The following WDR35 variants were observed in gnomAD, a reference collection of about 807,000 sequenced individuals.
The protein encoded by WDR35 is WD repeat-containing protein 35.
WDR35 carries 118 observed loss-of-function variants against 158.3 expected under a neutral mutation model. The observed-to-expected ratio is 0.75, with a 90% CI of 0.64 to 0.87. The LOEUF (loss-of-function observed/expected upper bound fraction) is 0.87. Ranked by LOEUF, WDR35 falls within the 40% of genes least tolerant of loss-of-function variation. The probability of loss-of-function intolerance (pLI) is 0.00; values close to 1 mark genes in which losing one functional copy is unlikely to be tolerated. For missense variants in WDR35, 1,263 were observed against 1,405.8 expected, an observed-to-expected ratio of 0.90 and a Z score of 1.62; for synonymous variants, 448 against 476.1, an observed-to-expected ratio of 0.94 and a Z score of 0.77.
chr2:19,984,348 T>G (rs966584982), intron 2 of WDR35, among the ~76,000 whole-genome samples: 1 of 152,158 alleles, frequency 6.6e-6, no homozygotes, highest in Admixed American at 6.5e-5. Context: ...TTTTAAATGA[T>G]GTAGAGTAAA....
intron 10 of WDR35, among the ~76,000 whole-genome samples, chr2:19,964,836 C>A (rs1031746619): frequency 6.6e-6 from 1 of 152,100 alleles, no homozygotes; most frequent in Non-Finnish European, 1.5e-5. Flanking sequence ...TTTTTAATTT[C>A]CAAAAACTTC....
Position 19,980,671 on chromosome 2 carries a change from T to C in WDR35, c.307+20A>G. 1.3e-6 allele frequency: 2 copies of C among 1,598,940 alleles called. No homozygotes were observed. Among genetic ancestry groups the C allele is most frequent in the Non-Finnish European group, 1.7e-6 (2 of 1,166,426 alleles). On this transcript the variant is annotated intron_variant, in intron 4 of 26. Coordinates refer to ENST00000281405, the MANE Select transcript of WDR35 (RefSeq NM_020779.4). ...TGCCAACTTGTGAAAAATTAAATAA[T>C]CTCTCCTAGTAAAGTATACCTTTAT...
chr2:19,913,637 C>T lies in WDR35; in HGVS notation c.3434G>A (p.Ser1145Asn), dbSNP rs1360939388. 1.2e-6 allele frequency: 2 copies of T among 1,613,994 alleles called. No homozygotes were observed. The highest frequency in any genetic ancestry group is 2.7e-5 in the African/African-American group (2 of 74,932). ...PITEYQFWMC[S>N]VCKHGVLAQE... ...AGCAAGGACACCGTGTTTGCATACA[C>T]TGCACATCCAGAATTGATACTCAGT... The change falls in exon 27 of 27, where the codon AGT (serine) becomes AAT (asparagine). Residue 1145 changes from serine to asparagine, a missense_variant. Coordinates refer to ENST00000281405, the MANE Select transcript of WDR35 (RefSeq NM_020779.4).
At chr2:19,980,966 A>C (rs146077675) in intron 3 of WDR35, among the ~76,000 whole-genome samples, 183 bp from the exon 4 acceptor site, 1 of 152,344 alleles carries the variant, frequency 6.6e-6, no homozygotes, top group Non-Finnish European at 1.5e-5. Context: ...TTCTACAACA[A>C]TGCATAATAC....
chr2:19,925,901 C>T (rs1558324813), intron 25 of WDR35, among the ~76,000 whole-genome samples: 1 of 152,168 alleles, frequency 6.6e-6, no homozygotes, highest in Non-Finnish European at 1.5e-5. Flanking sequence ...TTTGATGGTG[C>T]TCATTGTTAA....
chr2:19,960,553 C>A lies in WDR35; in HGVS notation c.1255+1G>T, dbSNP rs371669862. On this transcript the variant is annotated splice_donor_variant, in intron 11 of 26. Transcript: ENST00000281405. LOFTEE classifies it high-confidence loss of function. ...AGAAATAAATATCAACATTTCCTTA[C>A]CAATATCAATGTATTTGGGATCCAA... 1 of 1,601,566 alleles carries A rather than the reference C, an allele frequency of 6.2e-7. No individual in the cohort carries two copies. Among genetic ancestry groups the A allele is most frequent in the Non-Finnish European group, 8.5e-7 (1 of 1,170,010 alleles).
At chr2:19,948,530 T>C (rs1286701610) in intron 13 of WDR35, among the ~76,000 whole-genome samples, 1 of 151,890 alleles carries the variant, frequency 6.6e-6, no homozygotes, top group Non-Finnish European at 1.5e-5. Context: ...AGTACCTAAC[T>C]TACACCAAGA....
Position 19,914,114 on chromosome 2 carries a change from T to C in WDR35, c.3285A>G (p.Glu1095=). The change falls in exon 26 of 27, where the codon GAA becomes GAG. Residue 1095 remains glutamate, a synonymous_variant. Coordinates refer to ENST00000281405, the MANE Select transcript of WDR35 (RefSeq NM_020779.4). ...TLSSEQKQQY[E]DLALEIFTKH... ...TGGTGAAGATTTCTAAAGCAAGGTCTTCATACTGCTGTTTCTGTTCTGAAC... is the reference window on the plus strand; with the variant it reads ...TGGTGAAGATTTCTAAAGCAAGGTCCTCATACTGCTGTTTCTGTTCTGAAC... 6.2e-7 allele frequency: 1 copy of C among 1,614,184 alleles called. No homozygotes were observed. Among genetic ancestry groups the C allele is most frequent in the Non-Finnish European group, 8.5e-7 (1 of 1,180,014 alleles).
At chr2:19,969,283 T>C (rs763123452) in intron 9 of WDR35, among the ~76,000 whole-genome samples, 197 bp downstream of exon 9, 5 of 152,232 alleles carry the variant, frequency 3.3e-5, no homozygotes, top group Non-Finnish European at 7.3e-5. Flanking sequence ...ACCATCTGTT[T>C]CTGGCTAAGA....
At chr2:19,950,450 AAG>A (rs375089017) in intron 13 of WDR35, among the ~76,000 whole-genome samples, 8 of 152,272 alleles carry the variant, frequency 5.3e-5, no homozygotes, top group East Asian at 1.9e-4. Flanking sequence ...CGAAAGGAGG[AAG>A]AGAGAAGGTA....
chr2:19,940,228 A>G lies in WDR35; in HGVS notation c.1926+1531T>C, dbSNP rs563787782. 1.1e-3 allele frequency among the ~76,000 whole-genome samples: 169 copies of G among 151,008 alleles called. 6 individuals are homozygous for G. The South Asian group carries it at 0.034, about 31-fold the overall frequency. On this transcript the variant is annotated intron_variant, in intron 17 of 26. Transcript: ENST00000281405. Reference sequence around the variant, plus strand: ...AAAAAACACAAAAAATTAGCCAAGCATGGCGGCCTGTGCCTGGGACCCCAG... The same window carrying G: ...AAAAAACACAAAAAATTAGCCAAGCGTGGCGGCCTGTGCCTGGGACCCCAG...
intron 2 of WDR35, among the ~76,000 whole-genome samples, chr2:19,982,937 CATTT>C (rs1327762688): frequency 2.0e-5 from 3 of 152,104 alleles, no homozygotes; most frequent in Non-Finnish European, 4.4e-5. Flanking sequence ...TTTATTCATT[CATTT>C]AACAAATATT....
At chr2:19,936,812 C>T (rs1670711716) in intron 19 of WDR35, among the ~76,000 whole-genome samples, 3 of 152,128 alleles carry the variant, frequency 2.0e-5, no homozygotes, top group Admixed American at 6.5e-5. Flanking sequence ...CTTAGACTTC[C>T]TAGTCTCCAG....
At chr2:19,931,819 T>G (rs774906691) in intron 23 of WDR35, among the ~76,000 whole-genome samples, 2 of 152,176 alleles carry the variant, frequency 1.3e-5, no homozygotes, top group Non-Finnish European at 2.9e-5. Flanking sequence ...TAAATGATTT[T>G]AAGAGATATT....
intron 24 of WDR35, 135 bp downstream of exon 24, chr2:19,931,134 T>C: frequency 1.9e-6 from 2 of 1,031,796 alleles, no homozygotes; most frequent in Admixed American, 5.8e-5. Context: ...TCATTCTTTT[T>C]CTTCATATCA....
chr2:19,986,064 A>C (rs1024313257), intron 2 of WDR35, among the ~76,000 whole-genome samples: 3 of 152,188 alleles, frequency 2.0e-5, no homozygotes, highest in African/African-American at 7.2e-5. Context: ...GACAAAGGAA[A>C]GGATGGGTTC....
chr2:19,940,763 C>G (rs762874400), intron 17 of WDR35, among the ~76,000 whole-genome samples: 5 of 152,184 alleles, frequency 3.3e-5, no homozygotes, highest in African/African-American at 7.2e-5. Context: ...TCCCTAACTA[C>G]TAAACAACAA....
Position 19,984,002 on chromosome 2 carries a change from CAT to C in WDR35, c.143-1470_143-1469del, listed in dbSNP as rs753374553. ...TAGCACTGAAAAATCCATTCTAATG[CAT>C]ATATATATATATATATATATATATA... On this transcript the variant is annotated intron_variant, in intron 2 of 26. Transcript: ENST00000281405. Among the ~76,000 whole-genome samples, 369 of 89,874 alleles carry C rather than the reference CAT, an allele frequency of 4.1e-3. 2 individuals are homozygous for C. Among genetic ancestry groups the C allele is most frequent in the African/African-American group, 0.016 (331 of 21,104 alleles). 59.0% of individuals were successfully genotyped at this position (89,874 alleles called of 152,430 possible).
At chr2:19,961,146 T>A (rs1671636922) in intron 10 of WDR35, among the ~76,000 whole-genome samples, 1 of 152,038 alleles carries the variant, frequency 6.6e-6, no homozygotes, top group East Asian at 1.9e-4. Flanking sequence ...GCAGCTTGGG[T>A]GGAAGAATGG....
Sources: allele counts gnomAD v4.1 joint callset (sites outside exome capture counted in the v4.1 genomes callset), GRCh38; gene constraint gnomAD v4.1.1; transcripts MANE v1.5; gene names NCBI Gene and HGNC (gene_info 2026-07-23, HGNC 2026-07-21).